TMPRSS2: variants seen among roughly 807,000 people sequenced by gnomAD.
The protein encoded by TMPRSS2 is transmembrane serine protease 2.
TMPRSS2 carries 59 observed loss-of-function variants against 67.4 expected under a neutral mutation model. The observed-to-expected ratio is 0.88, with a 90% CI of 0.71 to 1.09. TMPRSS2 has a LOEUF of 1.09. Among genes scored for constraint, TMPRSS2 ranks in the 50% least tolerant of loss-of-function variants. The pLI is 0.00. For missense variants in TMPRSS2, 668 were observed against 642.7 expected, an observed-to-expected ratio of 1.04 and a Z score of -0.43; for synonymous variants, 257 against 257.0, an observed-to-expected ratio of 1.00 and a Z score of 0.00.
chr21:41,466,205 G>T lies in TMPRSS2; in HGVS notation c.1468-52C>A, dbSNP rs763498779. ...TGTTATTTTCTTAAGACAAACAAAG[G>T]TGGAAAATAATTTTTTCCTCTAGGT... On this transcript the variant is annotated intron_variant, in intron 13 of 13. Transcript: ENST00000332149. 16 of 1,605,654 alleles carry T rather than the reference G, an allele frequency of 1.0e-5. 1 individual carries two copies. In the South Asian group the frequency reaches 1.7e-4, roughly 17 times the overall value.
intron 1 of TMPRSS2, 102 bp from the exon 2 acceptor site, chr21:41,498,291 C>A (rs2146495016): frequency 1.4e-6 from 1 of 734,212 alleles, no homozygotes; most frequent in South Asian, 1.9e-5. Context: ...AGGTTACCTA[C>A]AACAAAGACC....
intron 1 of TMPRSS2, among the ~76,000 whole-genome samples, chr21:41,498,628 C>T (rs2091402870): frequency 1.3e-5 from 2 of 152,248 alleles, no homozygotes; most frequent in Admixed American, 1.3e-4. Flanking sequence ...CACCAGGAAG[C>T]TGTGATATCC....
intron 3 of TMPRSS2, among the ~76,000 whole-genome samples, chr21:41,490,783 C>A (rs1283252395): frequency 6.6e-6 from 1 of 152,226 alleles, no homozygotes; most frequent in African/African-American, 2.4e-5. Context: ...TCCCCATCAC[C>A]CCAGTGATGC....
intron 1 of TMPRSS2, among the ~76,000 whole-genome samples, chr21:41,507,205 G>T (rs556577201): frequency 6.6e-6 from 1 of 152,196 alleles, no homozygotes; most frequent in Non-Finnish European, 1.5e-5. Context: ...CGAGCAGAGC[G>T]CCCACTGCCA....
At chr21:41,483,738 G>C (rs2091274684) in intron 5 of TMPRSS2, among the ~76,000 whole-genome samples, 1 of 150,956 alleles carries the variant, frequency 6.6e-6, no homozygotes, top group African/African-American at 2.4e-5. Flanking sequence ...TGATAAGCCA[G>C]AGAGCTGGAA....
chr21:41,505,220 C>A (rs991045414), intron 1 of TMPRSS2, among the ~76,000 whole-genome samples: 4 of 152,140 alleles, frequency 2.6e-5, no homozygotes, highest in Non-Finnish European at 5.9e-5. Context: ...CCAGAATTTT[C>A]AAGAGGGCTT....
chr21:41,484,154 C>A (rs148155433), intron 5 of TMPRSS2, among the ~76,000 whole-genome samples: 3 of 152,254 alleles, frequency 2.0e-5, no homozygotes, highest in African/African-American at 7.2e-5. Flanking sequence ...ATGTGTACAG[C>A]GTGATGACTG....
intron 10 of TMPRSS2, 38 bp downstream of exon 10, chr21:41,471,768 T>C (rs763238494): frequency 1.6e-5 from 25 of 1,549,490 alleles, no homozygotes; most frequent in Non-Finnish European, 2.0e-5. Context: ...CTCTTTAAGA[T>C]TCTGCCAACC....
Position 41,494,424 on chromosome 21 carries a change from A to T in TMPRSS2, c.170T>A (p.Leu57Gln), listed in dbSNP as rs2146483406. ...SPVPQYAPRV[L>Q]TQASNPVVCT... The stretch of plus-strand genomic sequence containing the variant: ...GACGACGGGGTTGGAAGCCTGCGTC[A>T]GGACCCTCGGGGCGTACTGGGGCAC... Residue 57 changes from leucine (L) to glutamine (Q), a missense_variant, in exon 3 of 14, where the codon CTG becomes CAG. Transcript: ENST00000332149. The T allele has an allele frequency of 1.2e-6, 2 of 1,612,398 alleles. No individual in the cohort carries two copies. The highest frequency in any genetic ancestry group is 1.7e-6 in the Non-Finnish European group (2 of 1,179,538).
chr21:41,508,092 C>T lies in TMPRSS2; in HGVS notation c.-68G>A. 2 of 1,234,194 alleles carry T rather than the reference C, an allele frequency of 1.6e-6. No homozygotes were observed. The highest frequency in any genetic ancestry group is 2.1e-6 in the Non-Finnish European group (2 of 967,678). The allele number at this position is 1,234,194 out of a possible 1,614,324, so 76.5% of individuals were successfully genotyped here. On this transcript the variant is annotated 5_prime_UTR_variant, in exon 1 of 14. Coordinates refer to ENST00000332149, the MANE Select transcript of TMPRSS2 (RefSeq NM_005656.4). Reference sequence around the variant, plus strand: ...CCGGCGCCGCTCACCTGCCGCGCTCCAGGCGGCGCTCCCCGCCCCTCGCCC... The same window carrying T: ...CCGGCGCCGCTCACCTGCCGCGCTCTAGGCGGCGCTCCCCGCCCCTCGCCC...
chr21:41,476,832 CCA>C, intron 7 of TMPRSS2, among the ~76,000 whole-genome samples: 1 of 152,288 alleles, frequency 6.6e-6, no homozygotes, highest in South Asian at 2.1e-4. Flanking sequence ...GCTCACATCC[CCA>C]CAGTGTGACC....
At chr21:41,481,642 G>C (rs2091257981) in intron 5 of TMPRSS2, among the ~76,000 whole-genome samples, 5 of 151,948 alleles carry the variant, frequency 3.3e-5, no homozygotes, top group Admixed American at 3.3e-4. Flanking sequence ...ATATCAATAA[G>C]CTGTTTTATA....
chr21:41,484,815 G>T (rs138164084), intron 5 of TMPRSS2, among the ~76,000 whole-genome samples: 80 of 152,128 alleles, frequency 5.3e-4, no homozygotes, highest in African/African-American at 1.9e-3. Flanking sequence ...AAGAGACAGG[G>T]GCAATAATGG....
At chr21:41,493,175 C>T (rs1440850223) in intron 3 of TMPRSS2, among the ~76,000 whole-genome samples, 1 of 152,174 alleles carries the variant, frequency 6.6e-6, no homozygotes, top group Admixed American at 6.5e-5. Flanking sequence ...TGGCCTTGAC[C>T]TACCCAACCA....
chr21:41,479,218 T>A lies in TMPRSS2; in HGVS notation c.637A>T (p.Asn213Tyr). 6.2e-7 allele frequency: 1 copy of A among 1,614,094 alleles called. No homozygotes were observed. The highest frequency in any genetic ancestry group is 8.5e-7 in the Non-Finnish European group (1 of 1,180,012). ...ATATCGACATTGCCGGCACTTGTGT[T>A]CAGTTTCATAAAGCTGGTGGATCCG... Reference protein sequence around the residue: ...DSGSTSFMKLNTSAGNVDIYK... With the variant: ...DSGSTSFMKLYTSAGNVDIYK... Residue 213 changes from asparagine to tyrosine, a missense_variant, in exon 7 of 14, where the codon AAC (asparagine) becomes TAC (tyrosine). Physicochemically the swap from Asn to Tyr is moderately radical, Grantham distance 143. Transcript: ENST00000332149.
At chr21:41,482,992 A>G (rs1311974340) in intron 5 of TMPRSS2, among the ~76,000 whole-genome samples, 1 of 152,228 alleles carries the variant, frequency 6.6e-6, no homozygotes, top group Non-Finnish European at 1.5e-5. Flanking sequence ...TTAAGGCAGG[A>G]GAACTACTCT....
chr21:41,469,309 CCG>C (rs61170417), intron 11 of TMPRSS2, among the ~76,000 whole-genome samples: 42,396 of 151,714 alleles, frequency 0.28, 6,068 homozygotes, highest in Middle Eastern at 0.36. Context: ...ACATCCACGC[CCG>C]CACTCTGCTA....
chr21:41,472,808 T>C (rs1393499262), intron 9 of TMPRSS2, among the ~76,000 whole-genome samples: 1 of 152,188 alleles, frequency 6.6e-6, no homozygotes, highest in Admixed American at 6.5e-5. Flanking sequence ...AAGCACTATG[T>C]GTTTAAGGAA....
At chr21:41,468,222 T>C in intron 12 of TMPRSS2, 174 bp downstream of exon 12, 1 of 764,214 alleles carries the variant, frequency 1.3e-6, no homozygotes, top group Non-Finnish European at 2.1e-6. Flanking sequence ...TGACTGTACT[T>C]CCTTCTGCCA....
Sources: gnomAD v4.1 joint callset for allele counts (sites outside exome capture counted in the v4.1 genomes callset) on GRCh38, gnomAD v4.1.1 for gene constraint, MANE v1.5 for transcripts, NCBI Gene and HGNC (gene_info 2026-07-23, HGNC 2026-07-21) for gene names.